The following C12orf42 variants were observed in gnomAD, a reference collection of about 807,000 sequenced individuals.
C12orf42 encodes uncharacterized protein C12orf42.
In C12orf42, 25 loss-of-function variants were observed where a neutral mutation model predicts 21.6. That is an observed-to-expected ratio of 1.16 (90% confidence interval 0.84 to 1.62). The LOEUF (loss-of-function observed/expected upper bound fraction) is 1.62, where lower values mean the gene tolerates loss of function less well. C12orf42 is among the 40% of genes most tolerant of loss of function. The pLI is 0.00. For synonymous variants in C12orf42, 174 were observed against 175.0 expected, an observed-to-expected ratio of 0.99 and a Z score of 0.05; for missense variants, 483 against 459.3, an observed-to-expected ratio of 1.05 and a Z score of -0.47.
the C12orf42 span, among the ~76,000 whole-genome samples, chr12:103,100,660 C>G: frequency 6.6e-6 from 1 of 152,118 alleles, no homozygotes; most frequent in South Asian, 2.1e-4. Context: ...GTTGACAGTA[C>G]AGTTAAATGA....
the C12orf42 span, chr12:103,168,086 T>A: frequency 6.6e-6 from 3 of 455,836 alleles, no homozygotes; most frequent in African/African-American, 4.0e-5. Flanking sequence ...TTGTGGATAC[T>A]TTTATTCACC....
At chr12:103,425,659 G>A (rs542752755) in intron 2 of C12orf42, among the ~76,000 whole-genome samples, 62 of 152,178 alleles carry the variant, frequency 4.1e-4, no homozygotes, top group African/African-American at 1.4e-3. Context: ...AAAAAAGGAT[G>A]TCCACACCAA....
chr12:103,306,449 T>C, intron 4 of C12orf42, 104 bp from the exon 5 acceptor site: 1 of 1,370,874 alleles, frequency 7.3e-7, no homozygotes, highest in Non-Finnish European at 9.7e-7. Flanking sequence ...TTGGTTGTTT[T>C]GTGTTTCTAC....
chr12:103,241,054 T>C (rs1261567398), intron 10 of C12orf42, among the ~76,000 whole-genome samples: 1 of 152,164 alleles, frequency 6.6e-6, no homozygotes, highest in Non-Finnish European at 1.5e-5. Flanking sequence ...TCTAATTATA[T>C]TTCTATTAAC....
chr12:103,535,417 CT>C, the C12orf42 span, among the ~76,000 whole-genome samples: 59 of 144,854 alleles, frequency 4.1e-4, no homozygotes, highest in Admixed American at 4.8e-4. Context: ...CTGCACCCAG[CT>C]TTTTTTTTTT....
At chr12:103,356,549 A>G (rs1354510692) in intron 4 of C12orf42, among the ~76,000 whole-genome samples, 1 of 151,826 alleles carries the variant, frequency 6.6e-6, no homozygotes, top group Non-Finnish European at 1.5e-5. Context: ...CAGTAATGGG[A>G]TGGCTGGGTC....
rs116701603 is a variant in C12orf42 at position 103,368,402 on chromosome 12, C to G, written c.259+485G>C. Among the ~76,000 whole-genome samples the G allele has an allele frequency of 3.3e-3, 502 of 152,014 alleles. 3 individuals carry two copies. Among genetic ancestry groups the G allele is most frequent in the African/African-American group, 0.011 (476 of 41,522 alleles). ...CAAGTGGCCTACCTCCCCTGCCACA[C>G]AAGTAGCAAATGTTGACTGGTGTAT... On this transcript the variant is annotated intron_variant, in intron 4 of 5. Transcript: ENST00000548883.
the C12orf42 span, chr12:103,547,841 T>C: frequency 0.73 from 110,867 of 152,112 alleles, 41,963 homozygotes; most frequent in African/African-American, 0.93. Flanking sequence ...AAAGCTCTCT[T>C]CCCTTCCCCA....
At chr12:103,103,960 C>A in the C12orf42 span, among the ~76,000 whole-genome samples, 2 of 152,146 alleles carry the variant, frequency 1.3e-5, no homozygotes, top group African/African-American at 4.8e-5. Context: ...GCCACCACGC[C>A]CAATAGCTCA....
the C12orf42 span, among the ~76,000 whole-genome samples, chr12:103,193,108 T>A: frequency 2.6e-5 from 4 of 152,012 alleles, no homozygotes; most frequent in East Asian, 5.8e-4. Flanking sequence ...AACTCACAAA[T>A]ATGTGAAAAT....
chr12:103,201,302 C>G, the C12orf42 span, among the ~76,000 whole-genome samples: 50,314 of 151,944 alleles, frequency 0.33, 9,302 homozygotes, highest in South Asian at 0.42. Context: ...AGCAGACCAC[C>G]AAACAGTGAC....
chr12:103,069,423 C>T, the C12orf42 span, among the ~76,000 whole-genome samples: 1 of 152,092 alleles, frequency 6.6e-6, no homozygotes. Context: ...AACATCATAG[C>T]TTAGCCTAGT....
At chr12:103,149,314 C>T in the C12orf42 span, among the ~76,000 whole-genome samples, 2 of 152,056 alleles carry the variant, frequency 1.3e-5, no homozygotes, top group Non-Finnish European at 2.9e-5. Context: ...AAAGGTTGCC[C>T]CAAGAGGTTC....
chr12:103,530,628 G>GC, the C12orf42 span, among the ~76,000 whole-genome samples: 14 of 151,886 alleles, frequency 9.2e-5, no homozygotes, highest in East Asian at 2.5e-3. Context: ...CAAGTGTTCG[G>GC]GGGGGGAAAA....
intron 3 of C12orf42, among the ~76,000 whole-genome samples, chr12:103,375,119 G>A (rs1232005810): frequency 1.3e-5 from 2 of 152,094 alleles, no homozygotes; most frequent in African/African-American, 2.4e-5. Flanking sequence ...AGACCTCCAT[G>A]GAATTGCTTT....
At chr12:103,099,313 A>T in the C12orf42 span, among the ~76,000 whole-genome samples, 15 of 152,216 alleles carry the variant, frequency 9.9e-5, no homozygotes, top group Non-Finnish European at 1.5e-4. Flanking sequence ...TTGAGCATTT[A>T]CTCATCTCTA....
At chr12:103,368,646 C>G (rs896496725) in intron 4 of C12orf42, among the ~76,000 whole-genome samples, 1 of 152,006 alleles carries the variant, frequency 6.6e-6, no homozygotes, top group African/African-American at 2.4e-5. Context: ...GTGAAGACAA[C>G]GGGGAAATTA....
downstream of C12orf42, among the ~76,000 whole-genome samples, chr12:103,232,930 T>TG (rs559168235): frequency 5.9e-5 from 9 of 152,028 alleles, no homozygotes; most frequent in African/African-American, 1.7e-4. Flanking sequence ...TTGTACCTAT[T>TG]GGGGGGGTAT....
intron 10 of C12orf42, among the ~76,000 whole-genome samples, chr12:103,254,894 C>G (rs1029075474): frequency 1.3e-5 from 2 of 152,178 alleles, no homozygotes; most frequent in African/African-American, 2.4e-5. Context: ...CCTGCACATC[C>G]TGCACGAGTA....
Sources: gnomAD v4.1 joint callset for allele counts (sites outside exome capture counted in the v4.1 genomes callset) on GRCh38, gnomAD v4.1.1 for gene constraint, MANE v1.5 for transcripts, NCBI Gene and HGNC (gene_info 2026-07-23, HGNC 2026-07-21) for gene names.